PTPRH: variants seen among roughly 807,000 people sequenced by gnomAD.
PTPRH encodes receptor-type tyrosine-protein phosphatase H.
A neutral mutation model predicts 130.2 loss-of-function variants in PTPRH; 113 were observed. That is an observed-to-expected ratio of 0.87 (90% CI 0.75 to 1.01). The LOEUF is 1.01. PTPRH is among the 50% of genes least tolerant of loss of function. The pLI, the probability that PTPRH is intolerant of heterozygous loss-of-function variation, is 0.00. For missense variants in PTPRH, 1,430 were observed against 1,425.0 expected (o/e 1.00, Z -0.06); for synonymous variants, 556 against 577.9 (o/e 0.96, Z 0.54).
intron 3 of PTPRH, 50 bp downstream of exon 3, chr19:55,206,639 A>G: frequency 6.6e-7 from 1 of 1,509,482 alleles, no homozygotes; most frequent in Non-Finnish European, 8.9e-7. Context: ...ACCACCCCCT[A>G]CCACTGTCCT....
chr19:55,191,616 T>G (rs779423500), intron 11 of PTPRH, 47 bp downstream of exon 11: 1 of 1,611,826 alleles, frequency 6.2e-7, no homozygotes, highest in African/African-American at 1.3e-5. Context: ...TCCTCCTTCT[T>G]CTCCAGCCCC....
chr19:55,209,267 T>C lies in PTPRH; in HGVS notation c.51+116A>G. On this transcript the variant is annotated intron_variant, in intron 1 of 19. Coordinates refer to ENST00000376350, the MANE Select transcript of PTPRH (RefSeq NM_002842.5). The surrounding 1 kb of genome is among the most constrained non-coding windows in gnomAD (Gnocchi z 4.1). ...GCCAAGCCTGAAGCCCTCTTCCTTCTCCAGGGGATCTTCAGCACCTACTTC... is the reference window on the plus strand; with the variant it reads ...GCCAAGCCTGAAGCCCTCTTCCTTCCCCAGGGGATCTTCAGCACCTACTTC... 1 of 896,386 alleles carries C rather than the reference T, an allele frequency of 1.1e-6. No homozygotes were observed. Among genetic ancestry groups the C allele is most frequent in the Non-Finnish European group, 1.8e-6 (1 of 552,226 alleles). 55.5% of individuals were successfully genotyped at this position (896,386 alleles called of 1,614,324 possible).
rs556351303 is a variant in PTPRH, at chr19:55,209,289, C to A, written c.51+94G>T. 1.8e-6 allele frequency: 2 copies of A among 1,090,186 alleles called. No individual in the cohort carries two copies. Among genetic ancestry groups the A allele is most frequent in the East Asian group, 5.1e-5 (2 of 38,848 alleles). The allele number at this position is 1,090,186 out of a possible 1,614,324, so 67.5% of individuals were successfully genotyped here. On this transcript the variant is annotated intron_variant, in intron 1 of 19. Coordinates refer to ENST00000376350, the MANE Select transcript of PTPRH (RefSeq NM_002842.5). This position sits in a 1 kb window ranked among gnomAD's most constrained non-coding sequence, Gnocchi z 4.1. ...TTCTCCAGGGGATCTTCAGCACCTA[C>A]TTCCTCAAGATCGAGGTGCAGGCAC... is the stretch of plus-strand genomic sequence containing the variant.
rs529455241 is a variant in PTPRH, at chr19:55,186,363, G to A, written c.2644-4C>T. The A allele has an allele frequency of 1.5e-5, 25 of 1,613,020 alleles. 1 individual carries two copies. In the South Asian group the frequency reaches 2.5e-4, roughly 16 times the overall value. On this transcript the variant is annotated splice_region_variant and splice_polypyrimidine_tract_variant and intron_variant, in intron 15 of 19. Transcript: ENST00000376350. ...ACTCCTGGGGGCTCCAGAGACCCTG[G>A]TTGAGGAAGGCAGGCGGGTCAGGGG... is the stretch of plus-strand genomic sequence containing the variant.
chr19:55,185,316 A>G (rs73066671), intron 18 of PTPRH, among the ~76,000 whole-genome samples, 186 bp downstream of exon 18: 15,254 of 151,918 alleles, frequency 0.1, 846 homozygotes, highest in South Asian at 0.2. Flanking sequence ...TTTCGTTCCC[A>G]TCTTTTCATC....
intron 2 of PTPRH, 62 bp from the exon 3 acceptor site, chr19:55,207,017 C>A (rs1421529550): frequency 6.4e-7 from 1 of 1,551,262 alleles, no homozygotes; most frequent in South Asian, 1.2e-5. Flanking sequence ...CCCTCCCAAC[C>A]CCTGAGCTCA....
chr19:55,199,172 T>G (rs1200221563), intron 7 of PTPRH, among the ~76,000 whole-genome samples: 1 of 152,200 alleles, frequency 6.6e-6, no homozygotes, highest in Non-Finnish European at 1.5e-5. Flanking sequence ...CTGGGCATAG[T>G]AGCACATGCC....
Position 55,182,027 on chromosome 19 carries a change from CCATCAACGGCCGACTCTCTCT to C in PTPRH, c.3166_3186del (p.Arg1056_Met1062del), listed in dbSNP as rs771084575. The C allele has an allele frequency of 1.2e-6, 2 of 1,614,110 alleles. No individual in the cohort carries two copies. Among genetic ancestry groups the C allele is most frequent in the Non-Finnish European group, 1.7e-6 (2 of 1,180,018 alleles). On this transcript the variant is annotated inframe_deletion, in exon 19 of 20. Coordinates refer to ENST00000376350, the MANE Select transcript of PTPRH (RefSeq NM_002842.5). Reference sequence around the variant, plus strand: ...AGGGACTGCCTCACCTCAGTCTGCACCATCAACGGCCGACTCTCTCTCATCTTCCTTACAAAGCTGAAGGGC... The same window carrying C: ...AGGGACTGCCTCACCTCAGTCTGCACCATCTTCCTTACAAAGCTGAAGGGC...
At chr19:55,184,792 A>C (rs2086270771) in intron 18 of PTPRH, among the ~76,000 whole-genome samples, 1 of 150,188 alleles carries the variant, frequency 6.7e-6, no homozygotes, top group Admixed American at 6.6e-5. Flanking sequence ...ATCTCAAATA[A>C]AATAAAATAA....
In PTPRH at chr19:55,209,447, G is replaced by T. The variant is rs1328329590; in HGVS notation, c.-14C>A. The stretch of plus-strand genomic sequence containing the variant: ...AGCCCCAGCCATGCCTCCAGACACT[G>T]CCGGGGACCCAGGAGTCCCAGGCCT... On this transcript the variant is annotated 5_prime_UTR_variant, in exon 1 of 20. Transcript: ENST00000376350. This position sits in a 1 kb window ranked among gnomAD's most constrained non-coding sequence, Gnocchi z 4.1. 1.9e-6 allele frequency: 3 copies of T among 1,544,316 alleles called. No individual in the cohort carries two copies. Among genetic ancestry groups the T allele is most frequent in the Middle Eastern group, 1.7e-4 (1 of 5,992 alleles).
intron 14 of PTPRH, among the ~76,000 whole-genome samples, 170 bp downstream of exon 14, chr19:55,187,343 T>TG (rs2086382643): frequency 3.6e-5 from 1 of 28,126 alleles, no homozygotes; most frequent in African/African-American, 3.5e-4. Context: ...AGACTCCGTC[T>TG]CAAAAAAAAA....
At chr19:55,191,796 G>C (rs1358377490) in intron 10 of PTPRH, 55 bp from the exon 11 acceptor site, 1 of 1,458,880 alleles carries the variant, frequency 6.9e-7, no homozygotes, top group Non-Finnish European at 9.6e-7. Flanking sequence ...CTGCTCATCT[G>C]TCTCCAACCC....
chr19:55,198,722 A>G lies in PTPRH; in HGVS notation c.1611T>C (p.Ala537=). The G allele has an allele frequency of 6.2e-7, 1 of 1,614,090 alleles. No individual in the cohort carries two copies. Among genetic ancestry groups the G allele is most frequent in the Non-Finnish European group, 8.5e-7 (1 of 1,179,990 alleles). Residue 537 remains alanine, a synonymous_variant, in exon 8 of 20, where the codon GCT becomes GCC. Transcript: ENST00000376350. ...GTDITLKELE[A]GSLYHLTVWA... is the part of the protein sequence containing the mutation. ...AGACGGTGAGGTGGTACAGGCTGCC[A>G]GCTTCCAGTTCCTTTAGGGTGATGT...
rs1351775577 is a variant in PTPRH at position 55,206,803 on chromosome 19, T to G, written c.238A>C (p.Thr80Pro). Reference protein sequence around the residue: ...DGGTTETRNTTATNVTVDGLG... With the variant: ...DGGTTETRNTPATNVTVDGLG... The stretch of plus-strand genomic sequence containing the variant: ...CCATCCACGGTGACGTTGGTGGCTG[T>G]TGTGTTTCGAGTCTCTGTTGTGCCG... The change falls in exon 3 of 20, where the codon ACA becomes CCA. Residue 80 changes from threonine (T) to proline (P), a missense_variant. By Grantham distance (38) the Thr-to-Pro change is conservative. Coordinates refer to ENST00000376350, the MANE Select transcript of PTPRH (RefSeq NM_002842.5). 6.2e-7 allele frequency: 1 copy of G among 1,614,174 alleles called. No individual in the cohort carries two copies. Among genetic ancestry groups the G allele is most frequent in the East Asian group, 2.2e-5 (1 of 44,886 alleles).
chr19:55,201,786 C>G (rs2086870935), intron 6 of PTPRH, among the ~76,000 whole-genome samples: 1 of 152,238 alleles, frequency 6.6e-6, no homozygotes, highest in South Asian at 2.1e-4. Context: ...GGCCCCTACA[C>G]ATTCCTCTTG....
In PTPRH at chr19:55,209,319, C is replaced by T; in HGVS notation, c.51+64G>A. On this transcript the variant is annotated intron_variant, in intron 1 of 19. Coordinates refer to ENST00000376350, the MANE Select transcript of PTPRH (RefSeq NM_002842.5). This position sits in a 1 kb window ranked among gnomAD's most constrained non-coding sequence, Gnocchi z 4.1. ...TCAAGATCGAGGTGCAGGCACCCAG[C>T]TCCTTCTCCCTCAGACCTGGGAGTC... The T allele has an allele frequency of 7.1e-7, 1 of 1,406,008 alleles. No individual in the cohort carries two copies. The highest frequency in any genetic ancestry group is 9.9e-7 in the Non-Finnish European group (1 of 1,013,848). The allele number at this position is 1,406,008 out of a possible 1,614,324, so 87.1% of individuals were successfully genotyped here. A position where few individuals can be genotyped will look rare whatever the true frequency, so the allele number is the denominator to read the frequency against.
rs990249624 is a variant in PTPRH, at chr19:55,203,953, A to G, written c.715T>C (p.Ser239Pro). Residue 239 changes from serine to proline, a missense_variant, in exon 5 of 20, where the codon TCG becomes CCG. Transcript: ENST00000376350. ...CCAGTGCACTGAACGCAGTAGGTCGAGTTCTGTGGGTCTGTGCCATCGGGG... is the reference window on the plus strand; with the variant it reads ...CCAGTGCACTGAACGCAGTAGGTCGGGTTCTGTGGGTCTGTGCCATCGGGG... ...EVPDGTDPQNSTYCVQCTGDG... is the reference protein window; with the variant it reads ...EVPDGTDPQNPTYCVQCTGDG... 7 of 1,614,142 alleles carry G rather than the reference A, an allele frequency of 4.3e-6. No individual in the cohort carries two copies. In the African/African-American group the frequency reaches 8.0e-5, roughly 18 times the overall value.
At position 55,181,680 on chromosome 19, in the gene PTPRH, T is replaced by C. The variant is rs768459266; in HGVS notation, c.*74A>G. 1.3e-6 allele frequency: 2 copies of C among 1,586,330 alleles called. No homozygotes were observed. Among genetic ancestry groups the C allele is most frequent in the African/African-American group, 2.7e-5 (2 of 74,364 alleles). ...AGTCTGGGAGCCCAGCCCTCTGCTC[T>C]TCCAGGAATCTGGGCTCAAGTGGGT... On this transcript the variant is annotated 3_prime_UTR_variant, in exon 20 of 20. Coordinates refer to ENST00000376350, the MANE Select transcript of PTPRH (RefSeq NM_002842.5).
chr19:55,187,629 C>T (rs1272565125), intron 13 of PTPRH, 26 bp from the exon 14 acceptor site: 1 of 1,558,738 alleles, frequency 6.4e-7, no homozygotes, highest in South Asian at 1.1e-5. Flanking sequence ...GAGGGGGTAC[C>T]TGGTGTTGGA....
Sources: allele counts gnomAD v4.1 joint callset (sites outside exome capture counted in the v4.1 genomes callset), GRCh38; gene constraint gnomAD v4.1.1; non-coding constraint Gnocchi (gnomAD v3.1); transcripts MANE v1.5; gene names NCBI Gene and HGNC (gene_info 2026-07-23, HGNC 2026-07-21).